CELF5: variants seen among roughly 807,000 people sequenced by gnomAD.
CELF5 encodes the protein CUGBP Elav-like family member 5.
CELF5 carries 6 observed loss-of-function variants against 54.9 expected under a neutral mutation model. The ratio of observed to expected loss-of-function variants is 0.11; its 90% CI spans 0.06 to 0.22. The LOEUF (loss-of-function observed/expected upper bound fraction) is 0.22, where lower values mean the gene tolerates loss of function less well. Among genes scored for constraint, CELF5 ranks in the 10% least tolerant of loss-of-function variants. The pLI, the probability that CELF5 is intolerant of heterozygous loss-of-function variation, is 1.00. For missense variants in CELF5, 401 were observed against 678.6 expected (o/e 0.59, Z 4.54); for synonymous variants, 271 against 290.9 (o/e 0.93, Z 0.70).
rs555478206 is a variant in CELF5 at position 3,263,011 on chromosome 19, C to T, written c.343-10861C>T. The stretch of plus-strand genomic sequence containing the variant: ...CTGTGGTCCCAGCACTTTGGGAGAC[C>T]GAGGTGGGCAGATCACCTGAGGTCA... On this transcript the variant is annotated intron_variant, in intron 2 of 12. Coordinates refer to ENST00000292672, the MANE Select transcript of CELF5 (RefSeq NM_021938.4). Among the ~76,000 whole-genome samples the T allele has an allele frequency of 1.2e-4, 18 of 148,756 alleles. No homozygotes were observed. In the South Asian group the frequency reaches 1.9e-3, roughly 16 times the overall value.
At chr19:3,296,617 G>C (rs1265485933) in intron 12 of CELF5, 141 bp from the exon 13 acceptor site, 1 of 152,152 alleles carries the variant, frequency 6.6e-6, no homozygotes, top group Non-Finnish European at 1.5e-5. Context: ...AATCTGCCTC[G>C]AGGGGGCCTC....
intron 2 of CELF5, among the ~76,000 whole-genome samples, chr19:3,257,907 C>T (rs763667777): frequency 2.0e-5 from 3 of 151,692 alleles, no homozygotes; most frequent in African/African-American, 7.3e-5. Flanking sequence ...CAGCTTTGAC[C>T]TCCCACCTCA....
intron 1 of CELF5, among the ~76,000 whole-genome samples, chr19:3,242,867 TGAAA>T (rs963571926): frequency 1.3e-4 from 19 of 151,958 alleles, no homozygotes; most frequent in Non-Finnish European, 2.5e-4. Flanking sequence ...AGGAGGCTGA[TGAAA>T]GAGAGTCATT....
rs1160841401 is a variant in CELF5, at chr19:3,265,105, G to A, written c.343-8767G>A. ...TAATCCCGGTGCTTTGGGAGGCCAA[G>A]ACCAGAGGATTGCTTGAGCCCAGGA... On this transcript the variant is annotated intron_variant, in intron 2 of 12. Coordinates refer to ENST00000292672, the MANE Select transcript of CELF5 (RefSeq NM_021938.4). Among the ~76,000 whole-genome samples the A allele has an allele frequency of 2.6e-5, 4 of 152,290 alleles. No homozygotes were observed. In the East Asian group the frequency reaches 7.7e-4, roughly 29 times the overall value.
intron 10 of CELF5, among the ~76,000 whole-genome samples, chr19:3,288,119 T>C (rs1355552231): frequency 9.9e-5 from 15 of 152,158 alleles, no homozygotes; most frequent in African/African-American, 3.6e-4. Context: ...GGATGTGTTT[T>C]TCAGCGGTCG....
At position 3,281,844 on chromosome 19, in the gene CELF5, G is replaced by A. The variant is rs377215377; in HGVS notation, c.751-282G>A. ...GAGCCTTAGTCCCAGGCTGAGCCTC[G>A]CTTTTCTAACTGAGCCCTGATCCTA... On this transcript the variant is annotated intron_variant, in intron 6 of 12. Transcript: ENST00000292672. The surrounding 1 kb of genome is among the most constrained non-coding windows in gnomAD (Gnocchi z 6.5). Among the ~76,000 whole-genome samples the A allele has an allele frequency of 6.4e-4, 97 of 151,200 alleles. No individual in the cohort carries two copies. Among genetic ancestry groups the A allele is most frequent in the African/African-American group, 2.2e-3 (92 of 41,140 alleles).
chr19:3,262,845 A>G (rs919624877), intron 2 of CELF5, among the ~76,000 whole-genome samples: 2 of 152,138 alleles, frequency 1.3e-5, no homozygotes, highest in African/African-American at 4.8e-5. Flanking sequence ...AGGCTGAGAC[A>G]GGAGAATCAC....
chr19:3,296,309 C>CT (rs1308378037), intron 12 of CELF5: 29 of 40,736 alleles, frequency 7.1e-4, no homozygotes, highest in African/African-American at 3.3e-3. Context: ...TTAATAAGCT[C>CT]AAAAGAAAAA....
chr19:3,270,262 T>TG (rs1179120411), intron 2 of CELF5, among the ~76,000 whole-genome samples: 10 of 151,790 alleles, frequency 6.6e-5, no homozygotes, highest in Non-Finnish European at 1.0e-4. Flanking sequence ...CAGAGAGTCA[T>TG]GGGGCACAGC....
rs1374328556 is a variant in CELF5, at chr19:3,228,203, G to C, written c.259+3205G>C. 2.0e-5 allele frequency among the ~76,000 whole-genome samples: 3 copies of C among 152,108 alleles called. No individual in the cohort carries two copies. The highest frequency in any genetic ancestry group is 7.2e-5 in the African/African-American group (3 of 41,430). On this transcript the variant is annotated intron_variant, in intron 1 of 12. Coordinates refer to ENST00000292672, the MANE Select transcript of CELF5 (RefSeq NM_021938.4). This position sits in a 1 kb window ranked among gnomAD's most constrained non-coding sequence, Gnocchi z 6.0. ...AGACCCACAGAGAGACAGAGACAGA[G>C]AAACACAGACAGGGAGGGGGCTGCA...
At chr19:3,262,159 C>A (rs568500029) in intron 2 of CELF5, among the ~76,000 whole-genome samples, 1 of 151,994 alleles carries the variant, frequency 6.6e-6, no homozygotes, top group Admixed American at 6.6e-5. Context: ...CTCAGTCTCC[C>A]GAGTAGCTGG....
Position 3,228,612 on chromosome 19 carries a change from A to C in CELF5, c.259+3614A>C. Among the ~76,000 whole-genome samples, 1 of 57,038 alleles carries C rather than the reference A, an allele frequency of 1.8e-5. No homozygotes were observed. Among genetic ancestry groups the C allele is most frequent in the East Asian group, 4.8e-4 (1 of 2,084 alleles). 37.4% of individuals were successfully genotyped at this position (57,038 alleles called of 152,430 possible). On this transcript the variant is annotated intron_variant, in intron 1 of 12. Coordinates refer to ENST00000292672, the MANE Select transcript of CELF5 (RefSeq NM_021938.4). The surrounding 1 kb of genome is among the most constrained non-coding windows in gnomAD (Gnocchi z 6.0). The stretch of plus-strand genomic sequence containing the variant: ...CGGAGGTTGCGCTGGGGGACGGTGC[A>C]GGTGGGGGGGGGGCCCGGCGGGGGC...
intron 5 of CELF5, among the ~76,000 whole-genome samples, chr19:3,280,701 G>A (rs1475607666): frequency 6.6e-6 from 1 of 152,130 alleles, no homozygotes; most frequent in East Asian, 1.9e-4. Context: ...CCTGTTCTCA[G>A]GTGTGGGTGA....
At chr19:3,257,838 A>G (rs1244508799) in intron 2 of CELF5, among the ~76,000 whole-genome samples, 1 of 138,004 alleles carries the variant, frequency 7.2e-6, no homozygotes, top group Non-Finnish European at 1.6e-5. Context: ...TATTTATTTG[A>G]GACAGAATCT....
chr19:3,236,793 G>A (rs568693551), intron 1 of CELF5, among the ~76,000 whole-genome samples: 6 of 151,722 alleles, frequency 4.0e-5, no homozygotes. Context: ...AGACCAGCCT[G>A]GCCAACATGG....
In CELF5 at chr19:3,249,670, C is replaced by T. The variant is rs1394922604; in HGVS notation, c.260-1315C>T. 2.0e-5 allele frequency among the ~76,000 whole-genome samples: 3 copies of T among 152,320 alleles called. No individual in the cohort carries two copies. The East Asian group carries it at 5.8e-4, about 29-fold the overall frequency. The stretch of plus-strand genomic sequence containing the variant: ...CACCTCTCCTGATTGGTCCTGATTT[C>T]TGCCACCATGCCACACCCTCTCAAG... On this transcript the variant is annotated intron_variant, in intron 1 of 12. Transcript: ENST00000292672.
At chr19:3,272,425 G>A (rs185977563) in intron 2 of CELF5, among the ~76,000 whole-genome samples, 31 of 152,088 alleles carry the variant, frequency 2.0e-4, no homozygotes, top group Admixed American at 1.4e-3. Flanking sequence ...TTTTTCAAGC[G>A]TATTCTCTGC....
At chr19:3,285,362 C>G (rs761172832) in intron 9 of CELF5, among the ~76,000 whole-genome samples, 1 of 149,872 alleles carries the variant, frequency 6.7e-6, no homozygotes. Flanking sequence ...CCTGCCTTTA[C>G]TCTGACCACG....
intron 8 of CELF5, among the ~76,000 whole-genome samples, chr19:3,283,598 A>C (rs62125949): frequency 0.12 from 18,377 of 151,668 alleles, 1,158 homozygotes; most frequent in South Asian, 0.18. Context: ...AGGCCTCCCA[A>C]AGTGCCGGGA....
Sources: gnomAD v4.1 joint callset for allele counts (sites outside exome capture counted in the v4.1 genomes callset) on GRCh38, gnomAD v4.1.1 for gene constraint, Gnocchi (gnomAD v3.1) non-coding constraint, MANE v1.5 for transcripts, NCBI Gene and HGNC (gene_info 2026-07-23, HGNC 2026-07-21) for gene names.